Variants in LSAMP observed in about 807,000 individuals in gnomAD.
LSAMP encodes limbic system associated membrane protein.
In LSAMP, 7 loss-of-function variants were observed where a neutral mutation model predicts 38.6. The ratio of observed to expected loss-of-function variants is 0.18; its 90% CI spans 0.10 to 0.34. The LOEUF is 0.34. Among genes scored for constraint, LSAMP ranks in the 10% least tolerant of loss-of-function variants. LSAMP has a pLI of 1.00. For synonymous variants in LSAMP, 154 were observed against 166.8 expected (o/e 0.92, Z 0.59); for missense variants, 313 against 420.0 (o/e 0.75, Z 2.23).
At chr3:115,995,276 G>A (rs1327688204) in intron 3 of LSAMP, among the ~76,000 whole-genome samples, 1 of 152,038 alleles carries the variant, frequency 6.6e-6, no homozygotes, top group Non-Finnish European at 1.5e-5. Context: ...CCCTTCCAGA[G>A]CTTTGTTATC....
chr3:116,166,001 A>G (rs1054781482), intron 1 of LSAMP, among the ~76,000 whole-genome samples: 1 of 152,128 alleles, frequency 6.6e-6, no homozygotes, highest in Non-Finnish European at 1.5e-5. Context: ...CTTGTTCTTT[A>G]TATGTTCATA....
intron 3 of LSAMP, among the ~76,000 whole-genome samples, chr3:115,951,190 A>C (rs1938276487): frequency 1.3e-5 from 2 of 152,174 alleles, no homozygotes. Flanking sequence ...ACATCAGAAA[A>C]ACTCTTCTAG....
chr3:115,812,278 T>C (rs374994584), intron 6 of LSAMP, among the ~76,000 whole-genome samples: 12 of 152,304 alleles, frequency 7.9e-5, no homozygotes, highest in African/African-American at 2.6e-4. Flanking sequence ...AAATTAATTA[T>C]CTGATTTTCT....
intron 3 of LSAMP, among the ~76,000 whole-genome samples, chr3:116,011,808 CA>C (rs1195268037): frequency 1.3e-5 from 2 of 152,170 alleles, no homozygotes; most frequent in African/African-American, 2.4e-5. Flanking sequence ...CTTTCTGGCT[CA>C]GACAATTTTT....
At chr3:116,141,260 T>A (rs2107515310) in intron 1 of LSAMP, among the ~76,000 whole-genome samples, 1 of 152,076 alleles carries the variant, frequency 6.6e-6, no homozygotes, top group African/African-American at 2.4e-5. Context: ...TTCTCTGCAT[T>A]GCACCTCATA....
chr3:116,139,504 C>G (rs1315648868), intron 1 of LSAMP, among the ~76,000 whole-genome samples: 1 of 151,880 alleles, frequency 6.6e-6, no homozygotes, highest in Non-Finnish European at 1.5e-5. Context: ...AAATTTTAAC[C>G]GTATCTCTTC....
intron 1 of LSAMP, among the ~76,000 whole-genome samples, chr3:116,146,510 G>T (rs1054581703): frequency 6.6e-5 from 10 of 151,788 alleles, no homozygotes; most frequent in Non-Finnish European, 1.3e-4. Flanking sequence ...AATATTTGTT[G>T]ACACCTTTTA....
intron 2 of LSAMP, among the ~76,000 whole-genome samples, chr3:116,065,733 T>C (rs1314074452): frequency 1.3e-5 from 2 of 152,178 alleles, no homozygotes; most frequent in Non-Finnish European, 2.9e-5. Context: ...AGAGAACTGT[T>C]TACTACCTTT....
At chr3:116,108,320 T>A (rs1462957997) in intron 1 of LSAMP, among the ~76,000 whole-genome samples, 2 of 151,844 alleles carry the variant, frequency 1.3e-5, no homozygotes, top group Admixed American at 6.6e-5. Flanking sequence ...TGGGGATAAC[T>A]AAAAAGGAGT....
rs779509859 is a variant in LSAMP at position 116,141,492 on chromosome 3, C to T, written c.156-54936G>A. ...TCTCCTCCATTTCCATTATACTCTG[C>T]GATTTTCGTTTCTACCTCCTCCCCC... On this transcript the variant is annotated intron_variant, in intron 1 of 6. Transcript: ENST00000490035. Among the ~76,000 whole-genome samples, 9 of 151,834 alleles carry T rather than the reference C, an allele frequency of 5.9e-5. No individual in the cohort carries two copies. The East Asian group carries it at 7.7e-4, about 13-fold the overall frequency.
intron 2 of LSAMP, among the ~76,000 whole-genome samples, chr3:116,041,001 A>G (rs1218417369): frequency 6.6e-6 from 1 of 152,190 alleles, no homozygotes; most frequent in Admixed American, 6.5e-5. Flanking sequence ...ACAGCTCACT[A>G]TAGCCTCAAC....
chr3:115,841,649 G>T (rs911106667), intron 6 of LSAMP, 196 bp downstream of exon 6: 13 of 497,792 alleles, frequency 2.6e-5, no homozygotes, highest in Non-Finnish European at 2.4e-5. Flanking sequence ...AAGTAAGAAA[G>T]ACTATAGAGA....
chr3:116,011,727 T>TTATC lies in LSAMP; in HGVS notation c.514+7787_514+7788insGATA, dbSNP rs529580488. ...ATGAATTAGTAGTTTCCAAGGAAAA[T>TTATC]ACTCAAGATAATGTGTGAAATTAAT... is the stretch of plus-strand genomic sequence containing the variant. On this transcript the variant is annotated intron_variant, in intron 3 of 6. Transcript: ENST00000490035. Among the ~76,000 whole-genome samples the TTATC allele has an allele frequency of 4.6e-3, 699 of 152,224 alleles. 2 individuals carry two copies. Among genetic ancestry groups the TTATC allele is most frequent in the African/African-American group, 0.016 (669 of 41,538 alleles).
In LSAMP at chr3:116,445,217, A is replaced by G; in HGVS notation, c.-186T>C. On this transcript the variant is annotated 5_prime_UTR_variant, in exon 1 of 7. Transcript: ENST00000490035. ...CAGTCTCTTTTCCCTCTAAGACTTAACAAAGCCCTCATAAAACCCAAGCAG... is the reference window on the plus strand; with the variant it reads ...CAGTCTCTTTTCCCTCTAAGACTTAGCAAAGCCCTCATAAAACCCAAGCAG... 1.6e-6 allele frequency: 1 copy of G among 608,544 alleles called. No homozygotes were observed. The highest frequency in any genetic ancestry group is 2.9e-6 in the Non-Finnish European group (1 of 345,684). 37.7% of individuals were successfully genotyped at this position (608,544 alleles called of 1,614,324 possible).
intron 1 of LSAMP, among the ~76,000 whole-genome samples, chr3:116,133,429 A>G (rs1383631999): frequency 6.6e-6 from 1 of 151,984 alleles, no homozygotes; most frequent in Non-Finnish European, 1.5e-5. Context: ...AACTAGGACC[A>G]CAAGTGTGTG....
intron 2 of LSAMP, among the ~76,000 whole-genome samples, chr3:116,046,590 C>T (rs1941293515): frequency 6.6e-6 from 1 of 152,208 alleles, no homozygotes; most frequent in African/African-American, 2.4e-5. Context: ...GTTTTGGAGG[C>T]TGGAGCAGAC....
intron 1 of LSAMP, chr3:116,369,833 T>C (rs1388092699): frequency 3.9e-5 from 6 of 152,502 alleles, no homozygotes. Context: ...TTTATAAGGA[T>C]GAGAAGAGCC....
chr3:116,132,238 CA>C (rs71141854), intron 1 of LSAMP, among the ~76,000 whole-genome samples: 9,574 of 145,748 alleles, frequency 0.066, 350 homozygotes, highest in Middle Eastern at 0.16. Flanking sequence ...ATAGAACTAT[CA>C]AAAAAAAAAA....
intron 1 of LSAMP, among the ~76,000 whole-genome samples, chr3:116,255,573 A>G (rs1409017729): frequency 2.0e-5 from 3 of 152,198 alleles, no homozygotes; most frequent in Non-Finnish European, 4.4e-5. Flanking sequence ...TGGAGAAGTG[A>G]AGTGGAAGCC....
Sources: gnomAD v4.1 joint callset for allele counts (sites outside exome capture counted in the v4.1 genomes callset) on GRCh38, gnomAD v4.1.1 for gene constraint, MANE v1.5 for transcripts, NCBI Gene and HGNC (gene_info 2026-07-23, HGNC 2026-07-21) for gene names.